The following HS3ST4 variants were observed in gnomAD, a reference collection of about 807,000 sequenced individuals.
The protein encoded by HS3ST4 is heparan sulfate-glucosamine 3-sulfotransferase 4, also known as heparan sulfate glucosamine 3-O-sulfotransferase 4.
Under a neutral mutation model 29.2 loss-of-function variants are expected in HS3ST4, and 17 were observed. The ratio of observed to expected loss-of-function variants is 0.58; its 90% confidence interval spans 0.40 to 0.87. HS3ST4 has a LOEUF of 0.87. Ranked by LOEUF, HS3ST4 falls within the 40% of genes least tolerant of loss-of-function variation. The pLI, the probability that HS3ST4 is intolerant of heterozygous loss-of-function variation, is 0.00. For synonymous variants in HS3ST4, 314 were observed against 285.7 expected (o/e 1.10, Z -1.00); for missense variants, 627 against 634.5 (o/e 0.99, Z 0.13).
rs78205685 is a variant in HS3ST4 at position 26,134,992 on chromosome 16, T to C, written c.735-620T>C. Among the ~76,000 whole-genome samples the C allele has an allele frequency of 1.0e-3, 159 of 152,314 alleles. 4 individuals are homozygous for C. The East Asian group carries it at 0.026, about 25-fold the overall frequency. On this transcript the variant is annotated intron_variant, in intron 1 of 1. Coordinates refer to ENST00000331351, the MANE Select transcript of HS3ST4 (RefSeq NM_006040.3). The stretch of plus-strand genomic sequence containing the variant: ...TTGAATTCTATATAATTTTCATGCA[T>C]CACAAAATATTATTATTATCTTTTT...
chr16:26,092,997 A>G (rs564037019), intron 1 of HS3ST4, among the ~76,000 whole-genome samples: 1 of 152,312 alleles, frequency 6.6e-6, no homozygotes, highest in African/African-American at 2.4e-5. Flanking sequence ...CTAGCACAGC[A>G]GTCTGAGATC....
chr16:25,711,834 G>T (rs141765419), intron 1 of HS3ST4, among the ~76,000 whole-genome samples: 73 of 152,234 alleles, frequency 4.8e-4, no homozygotes, highest in African/African-American at 1.7e-3. Context: ...GGCCGATTTT[G>T]CCCAGGCTGG....
At chr16:26,103,546 C>T (rs1297124553) in intron 1 of HS3ST4, among the ~76,000 whole-genome samples, 1 of 152,114 alleles carries the variant, frequency 6.6e-6, no homozygotes, top group African/African-American at 2.4e-5. Flanking sequence ...GTCCACCCAC[C>T]CTACTCCCTA....
At chr16:25,751,996 C>T (rs1966724255) in intron 1 of HS3ST4, among the ~76,000 whole-genome samples, 1 of 137,890 alleles carries the variant, frequency 7.3e-6, no homozygotes, top group Non-Finnish European at 1.5e-5. Flanking sequence ...CTTCCATTTC[C>T]CTTTTTTTTT....
chr16:25,800,437 TC>T (rs1966922096), intron 1 of HS3ST4, among the ~76,000 whole-genome samples: 2 of 142,610 alleles, frequency 1.4e-5, no homozygotes, highest in Non-Finnish European at 3.1e-5. Context: ...CTACTTTCTC[TC>T]CCACCTCTTT....
intron 1 of HS3ST4, among the ~76,000 whole-genome samples, chr16:26,093,983 C>T (rs533737481): frequency 4.7e-4 from 72 of 152,214 alleles, no homozygotes; most frequent in Non-Finnish European, 4.4e-4. Flanking sequence ...GCTTCAATAG[C>T]TGACTTGATC....
intron 1 of HS3ST4, among the ~76,000 whole-genome samples, chr16:25,938,715 AT>A (rs1270052376): frequency 6.6e-6 from 1 of 152,006 alleles, no homozygotes; most frequent in Non-Finnish European, 1.5e-5. Context: ...TCCTGCCTCC[AT>A]TTTCCATGTC....
At chr16:25,831,502 G>T (rs1446636410) in intron 1 of HS3ST4, among the ~76,000 whole-genome samples, 1 of 151,648 alleles carries the variant, frequency 6.6e-6, no homozygotes, top group Non-Finnish European at 1.5e-5. Context: ...GAGGTGGGAG[G>T]ATTGCTTTAG....
chr16:25,829,168 C>T (rs1196726150), intron 1 of HS3ST4, among the ~76,000 whole-genome samples: 1 of 152,200 alleles, frequency 6.6e-6, no homozygotes, highest in Non-Finnish European at 1.5e-5. Flanking sequence ...TACTTAGGCA[C>T]AGACAGATAA....
At chr16:25,923,242 G>A (rs1968371811) in intron 1 of HS3ST4, among the ~76,000 whole-genome samples, 1 of 152,174 alleles carries the variant, frequency 6.6e-6, no homozygotes, top group South Asian at 2.1e-4. Flanking sequence ...GGTTTCTTGT[G>A]AGTTTTTTGA....
At chr16:26,043,008 C>T (rs926470565) in intron 1 of HS3ST4, among the ~76,000 whole-genome samples, 1 of 152,134 alleles carries the variant, frequency 6.6e-6, no homozygotes, top group Admixed American at 6.5e-5. Flanking sequence ...CAGCTATCAG[C>T]AAAACAAATA....
At chr16:25,735,282 A>G (rs1966600100) in intron 1 of HS3ST4, among the ~76,000 whole-genome samples, 1 of 152,222 alleles carries the variant, frequency 6.6e-6, no homozygotes, top group Admixed American at 6.5e-5. Context: ...AGCATCATCC[A>G]GAAGCTTCAG....
At chr16:25,708,670 C>T (rs1966392864) in intron 1 of HS3ST4, among the ~76,000 whole-genome samples, 3 of 152,254 alleles carry the variant, frequency 2.0e-5, no homozygotes, top group African/African-American at 4.8e-5. Flanking sequence ...ACCAAGAAAC[C>T]TCTTGACCTC....
intron 1 of HS3ST4, among the ~76,000 whole-genome samples, chr16:25,974,533 G>A (rs1419667149): frequency 1.3e-5 from 2 of 152,092 alleles, no homozygotes; most frequent in African/African-American, 2.4e-5. Context: ...AGCCAGCAAA[G>A]GAAGACACTA....
intron 1 of HS3ST4, among the ~76,000 whole-genome samples, chr16:26,090,495 AG>A (rs1372602071): frequency 2.0e-5 from 3 of 151,940 alleles, no homozygotes; most frequent in Non-Finnish European, 2.9e-5. Flanking sequence ...GGGCATGAAA[AG>A]GGTGCACAAA....
intron 1 of HS3ST4, among the ~76,000 whole-genome samples, chr16:26,037,915 C>T (rs567788749): frequency 1.1e-4 from 17 of 152,276 alleles, no homozygotes; most frequent in Non-Finnish European, 1.6e-4. Context: ...AGGGTCTTTT[C>T]TCAGCAGAGT....
chr16:25,860,494 ATACATAAACTGTGG>A (rs1294164307), intron 1 of HS3ST4, among the ~76,000 whole-genome samples: 1 of 152,124 alleles, frequency 6.6e-6, no homozygotes, highest in East Asian at 1.9e-4. Context: ...CAGTTTATGG[ATACATAAACTGTGG>A]TACATCCAGA....
At chr16:26,084,593 A>T (rs1268330580) in intron 1 of HS3ST4, among the ~76,000 whole-genome samples, 2 of 152,070 alleles carry the variant, frequency 1.3e-5, no homozygotes, top group East Asian at 3.9e-4. Flanking sequence ...TTATTGTGCC[A>T]ATCAAATGGT....
intron 1 of HS3ST4, among the ~76,000 whole-genome samples, chr16:26,050,283 A>C (rs1898325280): frequency 6.7e-6 from 1 of 149,218 alleles, no homozygotes; most frequent in South Asian, 2.1e-4. Flanking sequence ...GAGGTAGAAG[A>C]CTCTCTCTCT....
Sources: allele counts gnomAD v4.1 joint callset (sites outside exome capture counted in the v4.1 genomes callset), GRCh38; gene constraint gnomAD v4.1.1; transcripts MANE v1.5; gene names NCBI Gene and HGNC (gene_info 2026-07-23, HGNC 2026-07-21).